The following GALNTL6 variants were observed in gnomAD, a reference collection of about 807,000 sequenced individuals.
GALNTL6 encodes polypeptide N-acetylgalactosaminyltransferase like 6.
In GALNTL6, 46 loss-of-function variants were observed where a neutral mutation model predicts 73.7. The ratio of observed to expected loss-of-function variants is 0.62; its 90% confidence interval spans 0.49 to 0.80. GALNTL6 has a LOEUF of 0.80. Among genes scored for constraint, GALNTL6 ranks in the 30% least tolerant of loss-of-function variants. The pLI, the probability that GALNTL6 is intolerant of heterozygous loss-of-function variation, is 0.00. For missense variants in GALNTL6, 604 were observed against 755.0 expected, an observed-to-expected ratio of 0.80 and a Z score of 2.34; for synonymous variants, 259 against 263.7, an observed-to-expected ratio of 0.98 and a Z score of 0.17.
At chr4:172,546,400 C>T (rs1401509540) in intron 5 of GALNTL6, among the ~76,000 whole-genome samples, 6 of 151,766 alleles carry the variant, frequency 4.0e-5, no homozygotes, top group Admixed American at 6.6e-5. Flanking sequence ...GATAGTTATA[C>T]TAAAAGTCCA....
chr4:172,618,081 C>T (rs1738813202), intron 5 of GALNTL6, among the ~76,000 whole-genome samples: 1 of 152,016 alleles, frequency 6.6e-6, no homozygotes, highest in African/African-American at 2.4e-5. Flanking sequence ...TATTTTATAC[C>T]AAATTTCAAT....
chr4:172,047,149 T>G lies in GALNTL6; in HGVS notation c.139-182507T>G, dbSNP rs140796277. Among the ~76,000 whole-genome samples the G allele has an allele frequency of 1.6e-3, 251 of 152,288 alleles. 1 individual carries two copies. Among genetic ancestry groups the G allele is most frequent in the African/African-American group, 5.9e-3 (244 of 41,572 alleles). ...GAAACTTGCGCTCACTTCCTTTAAT[T>G]GACCCAATTGCTGCCACTTTGGCCT... On this transcript the variant is annotated intron_variant, in intron 2 of 12. Coordinates refer to ENST00000506823, the MANE Select transcript of GALNTL6 (RefSeq NM_001034845.3).
intron 2 of GALNTL6, among the ~76,000 whole-genome samples, chr4:172,172,011 C>G (rs528032130): frequency 6.6e-6 from 1 of 152,242 alleles, no homozygotes; most frequent in Admixed American, 6.5e-5. Flanking sequence ...GTCTGTAGGT[C>G]TAGTTTTATG....
chr4:172,597,473 C>G (rs1737899454), intron 5 of GALNTL6, among the ~76,000 whole-genome samples: 3 of 152,126 alleles, frequency 2.0e-5, no homozygotes, highest in Non-Finnish European at 2.9e-5. Context: ...TCTTTTGTGT[C>G]ATTAAATAAT....
At chr4:172,058,113 G>GTTGTTTTGCTTTGTT (rs1731083455) in intron 2 of GALNTL6, among the ~76,000 whole-genome samples, 1 of 146,266 alleles carries the variant, frequency 6.8e-6, no homozygotes, top group African/African-American at 2.6e-5. Flanking sequence ...GGCTGAAGTG[G>GTTGTTTTGCTTTGTT]TTGTTTTGTT....
chr4:172,088,165 A>C (rs1247029129), intron 2 of GALNTL6, among the ~76,000 whole-genome samples: 1 of 152,158 alleles, frequency 6.6e-6, no homozygotes, highest in African/African-American at 2.4e-5. Context: ...TTTCAAAATC[A>C]TGCTACATAA....
At position 172,206,044 on chromosome 4, in the gene GALNTL6, A is replaced by G. The variant is rs1283542790; in HGVS notation, c.139-23612A>G. 2.0e-5 allele frequency among the ~76,000 whole-genome samples: 3 copies of G among 151,844 alleles called. No homozygotes were observed. The East Asian group carries it at 5.8e-4, about 29-fold the overall frequency. On this transcript the variant is annotated intron_variant, in intron 2 of 12. Transcript: ENST00000506823. ...TATGTACATATGCCATGTATTTCAT[A>G]TTTATATAAATATATATATGTTTAG...
chr4:172,142,049 T>C (rs1343184141), intron 2 of GALNTL6, among the ~76,000 whole-genome samples: 1 of 152,068 alleles, frequency 6.6e-6, no homozygotes, highest in Non-Finnish European at 1.5e-5. Flanking sequence ...ACTTCCTAGA[T>C]TTATTCTTCA....
chr4:172,209,990 A>G (rs185802931), intron 2 of GALNTL6, among the ~76,000 whole-genome samples: 96 of 152,188 alleles, frequency 6.3e-4, no homozygotes, highest in African/African-American at 2.3e-3. Context: ...TATTTACTTA[A>G]CAGTTATTAA....
At chr4:172,211,299 C>T (rs1269255394) in intron 2 of GALNTL6, among the ~76,000 whole-genome samples, 1 of 152,112 alleles carries the variant, frequency 6.6e-6, no homozygotes, top group African/African-American at 2.4e-5. Flanking sequence ...ATGTCCTTGC[C>T]CCTAGGCCTT....
chr4:171,967,682 G>A (rs1048492317), intron 2 of GALNTL6, among the ~76,000 whole-genome samples: 1 of 152,088 alleles, frequency 6.6e-6, no homozygotes, highest in African/African-American at 2.4e-5. Context: ...ACAAAGGAAT[G>A]TGAACAATTT....
At chr4:172,256,884 A>G (rs183826836) in intron 3 of GALNTL6, among the ~76,000 whole-genome samples, 1 of 151,424 alleles carries the variant, frequency 6.6e-6, no homozygotes, top group Non-Finnish European at 1.5e-5. Flanking sequence ...ATTCACCTCT[A>G]TATTCCCAGA....
chr4:172,368,237 G>A (rs1296124290), intron 5 of GALNTL6, among the ~76,000 whole-genome samples: 5 of 151,830 alleles, frequency 3.3e-5, no homozygotes, highest in African/African-American at 4.8e-5. Context: ...AAAAATTAGC[G>A]AGGTGTGGTG....
At chr4:172,619,375 C>T (rs1738866430) in intron 5 of GALNTL6, among the ~76,000 whole-genome samples, 1 of 152,156 alleles carries the variant, frequency 6.6e-6, no homozygotes, top group Admixed American at 6.5e-5. Context: ...TTTATTTGCA[C>T]AAATAAATGT....
chr4:172,007,087 C>T (rs1026693384), intron 2 of GALNTL6, among the ~76,000 whole-genome samples: 10 of 151,986 alleles, frequency 6.6e-5, no homozygotes, highest in African/African-American at 1.9e-4. Flanking sequence ...AAATAAATTG[C>T]CACTGTGGTT....
At chr4:172,674,650 T>G (rs1472235811) in intron 5 of GALNTL6, among the ~76,000 whole-genome samples, 1 of 152,100 alleles carries the variant, frequency 6.6e-6, no homozygotes, top group East Asian at 1.9e-4. Flanking sequence ...TTCTTGGAGG[T>G]TTTGTTCATT....
At chr4:172,354,609 A>G (rs559099159) in intron 5 of GALNTL6, among the ~76,000 whole-genome samples, 2 of 152,250 alleles carry the variant, frequency 1.3e-5, no homozygotes, top group East Asian at 1.9e-4. Context: ...ATCCTACAAC[A>G]TAAAGGGGTA....
chr4:172,664,360 C>G (rs1731546433), intron 5 of GALNTL6, among the ~76,000 whole-genome samples: 1 of 152,200 alleles, frequency 6.6e-6, no homozygotes, highest in Non-Finnish European at 1.5e-5. Context: ...TAAGTTTCAG[C>G]TTGTGATTCA....
chr4:172,072,065 G>T (rs1731558950), intron 2 of GALNTL6, among the ~76,000 whole-genome samples: 1 of 152,076 alleles, frequency 6.6e-6, no homozygotes, highest in Non-Finnish European at 1.5e-5. Flanking sequence ...GCTCTTTATT[G>T]TAGATAAGGG....
Sources: allele counts gnomAD v4.1 joint callset (sites outside exome capture counted in the v4.1 genomes callset), GRCh38; gene constraint gnomAD v4.1.1; transcripts MANE v1.5; gene names NCBI Gene and HGNC (gene_info 2026-07-23, HGNC 2026-07-21).